FNDC3B: variants seen among roughly 807,000 people sequenced by gnomAD.
The protein encoded by FNDC3B is fibronectin type III domain containing 3B, also known as fibronectin type III domain-containing protein 3B.
Under a neutral mutation model 151.5 loss-of-function variants are expected in FNDC3B, and 12 were observed. That is an observed-to-expected ratio of 0.08 (90% CI 0.05 to 0.13). FNDC3B has a LOEUF of 0.13. Ranked by LOEUF, FNDC3B falls within the 10% of genes least tolerant of loss-of-function variation. The probability of loss-of-function intolerance (pLI) is 1.00; values close to 1 mark genes in which losing one functional copy is unlikely to be tolerated. For synonymous variants in FNDC3B, 528 were observed against 549.0 expected (o/e 0.96, Z 0.54); for missense variants, 1,214 against 1,505.3 (o/e 0.81, Z 3.20).
At chr3:172,249,224 T>G (rs1368875997) in intron 5 of FNDC3B, among the ~76,000 whole-genome samples, 1 of 152,202 alleles carries the variant, frequency 6.6e-6, no homozygotes, top group African/African-American at 2.4e-5. Context: ...ACTGACTCAT[T>G]GCTTGCTGGT....
At chr3:172,150,561 T>C (rs1464123571) in intron 3 of FNDC3B, among the ~76,000 whole-genome samples, 2 of 152,032 alleles carry the variant, frequency 1.3e-5, no homozygotes, top group African/African-American at 4.8e-5. Context: ...GATTATTTGG[T>C]GTCATTTTGT....
intron 25 of FNDC3B, among the ~76,000 whole-genome samples, chr3:172,386,101 TTGCCA>T (rs1239602737): frequency 2.0e-5 from 3 of 152,258 alleles, no homozygotes; most frequent in Non-Finnish European, 4.4e-5. Context: ...GGTTTGCCTT[TTGCCA>T]TTTAATAAAT....
At chr3:172,270,875 G>A (rs1729168052) in intron 6 of FNDC3B, among the ~76,000 whole-genome samples, 1 of 152,218 alleles carries the variant, frequency 6.6e-6, no homozygotes, top group Admixed American at 6.5e-5. Context: ...CAGTTGGAAA[G>A]AGTTACCAGA....
chr3:172,344,420 G>A (rs1331756351), intron 19 of FNDC3B, among the ~76,000 whole-genome samples, 162 bp downstream of exon 19: 2 of 152,112 alleles, frequency 1.3e-5, no homozygotes, highest in Admixed American at 1.3e-4. Flanking sequence ...AGTTGATATT[G>A]TTGTGATTTC....
At chr3:172,164,230 T>A (rs1722907557) in intron 3 of FNDC3B, among the ~76,000 whole-genome samples, 1 of 152,232 alleles carries the variant, frequency 6.6e-6, no homozygotes, top group African/African-American at 2.4e-5. Context: ...TTTTGTATAA[T>A]AAAATTTAAA....
chr3:172,358,924 T>TAA (rs1472631977), intron 22 of FNDC3B, among the ~76,000 whole-genome samples: 1 of 139,634 alleles, frequency 7.2e-6, no homozygotes, highest in Non-Finnish European at 1.5e-5. Context: ...GCTACACTGC[T>TAA]AAAGAGTGTT....
chr3:172,393,822 G>A (rs541695891), intron 25 of FNDC3B, among the ~76,000 whole-genome samples: 2 of 151,952 alleles, frequency 1.3e-5, no homozygotes, highest in Non-Finnish European at 2.9e-5. Context: ...AAATGTATGG[G>A]ATACGGCCAG....
At chr3:172,111,796 C>A (rs898895527) in intron 1 of FNDC3B, among the ~76,000 whole-genome samples, 1 of 152,056 alleles carries the variant, frequency 6.6e-6, no homozygotes, top group African/African-American at 2.4e-5. Context: ...GTTCATTGAC[C>A]AAATGTCCTT....
rs1389436984 is a variant in FNDC3B at position 172,040,653 on chromosome 3, G to A, written c.-29+882G>A. 1 of 151,524 alleles carries A rather than the reference G, an allele frequency of 6.6e-6. No individual in the cohort carries two copies. The highest frequency in any genetic ancestry group is 2.4e-5 in the African/African-American group (1 of 41,280). The allele number at this position is 151,524 out of a possible 1,614,324, so 9.4% of individuals were successfully genotyped here. On this transcript the variant is annotated intron_variant, in intron 1 of 25. Transcript: ENST00000415807. This position sits in a 1 kb window ranked among gnomAD's most constrained non-coding sequence, Gnocchi z 6.6. ...AGTCGGTCACCCCGAGGGGCGCCTC[G>A]GCCGGGGATAGGGCGGGCGGGCGGA...
intron 3 of FNDC3B, among the ~76,000 whole-genome samples, chr3:172,163,822 G>T (rs1297105424): frequency 6.6e-6 from 1 of 152,184 alleles, no homozygotes; most frequent in Non-Finnish European, 1.5e-5. Flanking sequence ...TTACCAAGGA[G>T]TAGAATTACT....
At chr3:172,225,157 A>G (rs1726488387) in intron 3 of FNDC3B, among the ~76,000 whole-genome samples, 1 of 152,184 alleles carries the variant, frequency 6.6e-6, no homozygotes, top group Admixed American at 6.5e-5. Flanking sequence ...ACTCATACAC[A>G]ATTACTTGTC....
intron 1 of FNDC3B, among the ~76,000 whole-genome samples, chr3:172,100,287 C>A (rs1055202682): frequency 1.3e-5 from 2 of 152,182 alleles, no homozygotes; most frequent in African/African-American, 4.8e-5. Context: ...TTTTTCTTAA[C>A]AAATTGTATT....
intron 9 of FNDC3B, chr3:172,302,136 T>C (rs17461804): frequency 0.09 from 13,673 of 152,320 alleles, 836 homozygotes; most frequent in South Asian, 0.27. Context: ...GTCTATCTTA[T>C]TCACATTGAT....
intron 1 of FNDC3B, among the ~76,000 whole-genome samples, chr3:172,064,049 C>A (rs34814303): frequency 0.63 from 96,404 of 151,898 alleles, 30,811 homozygotes; most frequent in East Asian, 0.79. Context: ...AGGCTGTGGC[C>A]GTGAGAAGAT....
chr3:172,153,160 T>C (rs1327993668), intron 3 of FNDC3B, among the ~76,000 whole-genome samples: 2 of 152,166 alleles, frequency 1.3e-5, no homozygotes, highest in Non-Finnish European at 1.5e-5. Context: ...TTGATTTGGC[T>C]TGTGGCAGCC....
At chr3:172,374,982 A>G (rs898800528) in intron 23 of FNDC3B, among the ~76,000 whole-genome samples, 1 of 137,254 alleles carries the variant, frequency 7.3e-6, no homozygotes, top group Non-Finnish European at 1.6e-5. Flanking sequence ...ATTGGAAATG[A>G]CTGTGATAAA....
intron 22 of FNDC3B, among the ~76,000 whole-genome samples, chr3:172,361,940 G>A (rs1404965472): frequency 2.0e-5 from 3 of 151,994 alleles, no homozygotes; most frequent in African/African-American, 7.3e-5. Flanking sequence ...TCAAAGTGCT[G>A]GAATTACAGG....
chr3:172,313,531 T>G (rs565920877), intron 11 of FNDC3B, among the ~76,000 whole-genome samples: 69 of 152,366 alleles, frequency 4.5e-4, no homozygotes, highest in African/African-American at 1.5e-3. Flanking sequence ...TTTCAGCATT[T>G]ATGGAGTGTG....
intron 8 of FNDC3B, among the ~76,000 whole-genome samples, chr3:172,297,788 T>G (rs773428317): frequency 1.4e-4 from 22 of 152,164 alleles, no homozygotes; most frequent in Non-Finnish European, 3.1e-4. Context: ...TTTTCATAAG[T>G]TTTATATGTA....
Sources: gnomAD v4.1 joint callset for allele counts (sites outside exome capture counted in the v4.1 genomes callset) on GRCh38, gnomAD v4.1.1 for gene constraint, Gnocchi (gnomAD v3.1) non-coding constraint, MANE v1.5 for transcripts, NCBI Gene and HGNC (gene_info 2026-07-23, HGNC 2026-07-21) for gene names.